Variants in AFG2A observed in about 807,000 individuals in gnomAD.
AFG2A encodes the protein ATPase family gene 2 protein homolog A.
chr4:122,934,268 C>T, the AFG2A span: 28 of 1,614,160 alleles, frequency 1.7e-5, 1 homozygote, highest in South Asian at 3.0e-4. Flanking sequence ...AGCATGGAAA[C>T]CAGTAGCCTG....
At chr4:123,163,626 T>C in the AFG2A span, among the ~76,000 whole-genome samples, 1 of 152,210 alleles carries the variant, frequency 6.6e-6, no homozygotes, top group Non-Finnish European at 1.5e-5. Context: ...CCTCTTAACA[T>C]GTATTTTACA....
chr4:122,962,619 G>C, the AFG2A span, among the ~76,000 whole-genome samples: 44 of 152,242 alleles, frequency 2.9e-4, no homozygotes, highest in Non-Finnish European at 5.3e-4. Context: ...GATTTTCTGG[G>C]TTGTTTTGCC....
At chr4:123,237,710 C>T in the AFG2A span, among the ~76,000 whole-genome samples, 2 of 145,352 alleles carry the variant, frequency 1.4e-5, no homozygotes, top group Non-Finnish European at 3.0e-5. Flanking sequence ...AGTTCCATTC[C>T]AAGAGGGCCA....
chr4:123,269,965 C>A, the AFG2A span, among the ~76,000 whole-genome samples: 3,110 of 152,114 alleles, frequency 0.02, 99 homozygotes, highest in African/African-American at 0.071. Flanking sequence ...TACATATGCC[C>A]GCCACCACGC....
the AFG2A span, among the ~76,000 whole-genome samples, chr4:123,115,167 C>A: frequency 6.6e-6 from 1 of 152,036 alleles, no homozygotes; most frequent in Non-Finnish European, 1.5e-5. Context: ...GATGACATTG[C>A]CGCAAGTTCC....
At chr4:123,146,905 C>T in the AFG2A span, among the ~76,000 whole-genome samples, 4 of 152,180 alleles carry the variant, frequency 2.6e-5, no homozygotes, top group African/African-American at 9.7e-5. Context: ...GCTGTCATGT[C>T]ACATTGTTCA....
chr4:123,064,187 G>GT, the AFG2A span, among the ~76,000 whole-genome samples: 1 of 152,024 alleles, frequency 6.6e-6, no homozygotes, highest in Non-Finnish European at 1.5e-5. Flanking sequence ...ATTTTATATT[G>GT]TAAGAGGAAA....
chr4:123,256,237 T>C, the AFG2A span: 4 of 1,579,388 alleles, frequency 2.5e-6, no homozygotes, highest in Admixed American at 1.8e-5. Context: ...CTCAGGGTCA[T>C]TAAGCAAAAT....
At chr4:122,938,047 T>C in the AFG2A span, 1 of 1,330,742 alleles carries the variant, frequency 7.5e-7, no homozygotes, top group Non-Finnish European at 1.0e-6. Flanking sequence ...ATGTTGCATT[T>C]CAGTTAAAAA....
the AFG2A span, among the ~76,000 whole-genome samples, chr4:123,095,148 C>G: frequency 6.7e-6 from 1 of 148,894 alleles, no homozygotes; most frequent in African/African-American, 2.5e-5. Flanking sequence ...CATTGATTCC[C>G]TCTTATTTTG....
At chr4:122,983,356 C>G in the AFG2A span, among the ~76,000 whole-genome samples, 1 of 151,876 alleles carries the variant, frequency 6.6e-6, no homozygotes, top group Non-Finnish European at 1.5e-5. Flanking sequence ...TAACTCTGAA[C>G]TTATTTTGTT....
the AFG2A span, among the ~76,000 whole-genome samples, chr4:123,083,555 T>C: frequency 6.6e-5 from 10 of 150,384 alleles, no homozygotes. Context: ...GGTATATAAT[T>C]ATTCTTTTTT....
chr4:123,003,666 G>A, the AFG2A span, among the ~76,000 whole-genome samples: 3 of 152,012 alleles, frequency 2.0e-5, no homozygotes, highest in Non-Finnish European at 2.9e-5. Context: ...CCCTCTGGAA[G>A]TTTTGTCTCA....
the AFG2A span, among the ~76,000 whole-genome samples, chr4:123,023,301 A>G: frequency 2.0e-5 from 3 of 152,186 alleles, no homozygotes; most frequent in African/African-American, 7.2e-5. Context: ...CTGTAATCCA[A>G]ACCTCAGCGT....
At chr4:123,114,404 C>T in the AFG2A span, among the ~76,000 whole-genome samples, 8 of 152,190 alleles carry the variant, frequency 5.3e-5, no homozygotes, top group East Asian at 1.5e-3. Flanking sequence ...ACACCCGTGC[C>T]AAGGAGCACC....
the AFG2A span, chr4:123,313,915 CT>C: frequency 6.2e-7 from 1 of 1,606,110 alleles, no homozygotes; most frequent in Non-Finnish European, 8.5e-7. Flanking sequence ...AGAGGCAGCT[CT>C]TCTGGCTCTG....
the AFG2A span, among the ~76,000 whole-genome samples, chr4:123,310,924 C>G: frequency 6.6e-6 from 1 of 152,180 alleles, no homozygotes; most frequent in Non-Finnish European, 1.5e-5. Flanking sequence ...GGCAGTGTTT[C>G]TCCCGCCCTA....
the AFG2A span, among the ~76,000 whole-genome samples, chr4:123,026,286 T>A: frequency 6.6e-6 from 1 of 152,146 alleles, no homozygotes; most frequent in Non-Finnish European, 1.5e-5. Flanking sequence ...GAAACTTCCT[T>A]TTCTGTTATT....
At chr4:123,017,240 G>GAGGGAA in the AFG2A span, among the ~76,000 whole-genome samples, 1 of 128,306 alleles carries the variant, frequency 7.8e-6, no homozygotes, top group East Asian at 3.2e-4. Flanking sequence ...GGGAAAGGGA[G>GAGGGAA]AGGGAGAGGG....
Sources: allele counts gnomAD v4.1 joint callset (sites outside exome capture counted in the v4.1 genomes callset), GRCh38; gene constraint gnomAD v4.1.1; transcripts MANE v1.5; gene names NCBI Gene and HGNC (gene_info 2026-07-23, HGNC 2026-07-21).